The following FHIT variants were observed in gnomAD, a reference collection of about 807,000 sequenced individuals.
FHIT encodes the protein fragile histidine triad diadenosine triphosphatase.
Under a neutral mutation model 17.9 loss-of-function variants are expected in FHIT, and 19 were observed. The ratio of observed to expected loss-of-function variants is 1.06; its 90% confidence interval spans 0.74 to 1.56. The LOEUF (loss-of-function observed/expected upper bound fraction) is 1.56, where lower values mean the gene tolerates loss of function less well. FHIT is among the 40% of genes most tolerant of loss of function. The pLI is 0.00. For synonymous variants in FHIT, 81 were observed against 69.7 expected, an observed-to-expected ratio of 1.16 and a Z score of -0.81; for missense variants, 248 against 189.2, an observed-to-expected ratio of 1.31 and a Z score of -1.82.
At chr3:60,204,917 C>T (rs1481365112) in intron 5 of FHIT, among the ~76,000 whole-genome samples, 1 of 151,756 alleles carries the variant, frequency 6.6e-6, no homozygotes, top group African/African-American at 2.4e-5. Flanking sequence ...ATTAGTGAGA[C>T]CCCATTTCTA....
At chr3:60,366,267 C>T (rs1173032005) in intron 5 of FHIT, among the ~76,000 whole-genome samples, 1 of 152,132 alleles carries the variant, frequency 6.6e-6, no homozygotes, top group Non-Finnish European at 1.5e-5. Context: ...CCTCTGCCTC[C>T]TGGGTTCAAG....
In FHIT at chr3:60,652,310, C is replaced by T. The variant is rs184513006; in HGVS notation, c.-17-115331G>A. Among the ~76,000 whole-genome samples the T allele has an allele frequency of 6.2e-4, 94 of 152,256 alleles. 1 individual carries two copies. The highest frequency in any genetic ancestry group is 2.0e-3 in the African/African-American group (84 of 41,534). ...TCACAGTTATCATTAGTGTTAAAAC[C>T]TCACTCTAGGCCAGGCGTGGTAGTT... On this transcript the variant is annotated intron_variant, in intron 4 of 9. Transcript: ENST00000492590.
chr3:61,156,941 C>G (rs949574348), intron 2 of FHIT, among the ~76,000 whole-genome samples: 15 of 152,098 alleles, frequency 9.9e-5, no homozygotes, highest in African/African-American at 3.4e-4. Context: ...TTCTTACATG[C>G]CTACTAAAGT....
chr3:60,391,881 G>A (rs1354657788), intron 5 of FHIT, among the ~76,000 whole-genome samples: 5 of 151,884 alleles, frequency 3.3e-5, no homozygotes, highest in African/African-American at 1.2e-4. Flanking sequence ...TGTGTCTTGA[G>A]CCAAATGCTA....
At chr3:60,022,914 T>C (rs932890448) in intron 5 of FHIT, among the ~76,000 whole-genome samples, 7 of 152,220 alleles carry the variant, frequency 4.6e-5, no homozygotes, top group African/African-American at 1.4e-4. Context: ...TGAAAATCTA[T>C]TATTATTGTT....
intron 5 of FHIT, among the ~76,000 whole-genome samples, chr3:60,528,724 T>C (rs368554679): frequency 3.2e-4 from 49 of 152,326 alleles, no homozygotes; most frequent in African/African-American, 1.1e-3. Flanking sequence ...ACCATGTGCA[T>C]TGGCATGTCT....
chr3:59,750,406 T>C (rs1349211932), intron 9 of FHIT: 1 of 224,322 alleles, frequency 4.5e-6, no homozygotes, highest in East Asian at 6.5e-5. Flanking sequence ...CAGGGCACTC[T>C]AAAATGACAT....
At position 60,291,322 on chromosome 3, in the gene FHIT, G is replaced by A. The variant is rs1245004114; in HGVS notation, c.103+245538C>T. On this transcript the variant is annotated intron_variant, in intron 5 of 9. Coordinates refer to ENST00000492590, the MANE Select transcript of FHIT (RefSeq NM_002012.4). The stretch of plus-strand genomic sequence containing the variant: ...CCATTTGTATAGGGCATGAAAAACC[G>A]GTTAGGACTAGGTTTGCCATTTGCA... 2.0e-5 allele frequency among the ~76,000 whole-genome samples: 3 copies of A among 152,184 alleles called. No individual in the cohort carries two copies. The South Asian group carries it at 6.2e-4, about 32-fold the overall frequency.
intron 7 of FHIT, among the ~76,000 whole-genome samples, chr3:59,995,309 A>G (rs1699460762): frequency 6.6e-6 from 1 of 152,078 alleles, no homozygotes; most frequent in Non-Finnish European, 1.5e-5. Context: ...TGAAGATTCA[A>G]CTTTCTTAAC....
In FHIT at chr3:60,148,213, T is replaced by G. The variant is rs1170984004; in HGVS notation, c.104-134061A>C. 2.0e-5 allele frequency among the ~76,000 whole-genome samples: 3 copies of G among 152,300 alleles called. No individual in the cohort carries two copies. In the South Asian group the frequency reaches 6.2e-4, roughly 32 times the overall value. On this transcript the variant is annotated intron_variant, in intron 5 of 9. Coordinates refer to ENST00000492590, the MANE Select transcript of FHIT (RefSeq NM_002012.4). Reference sequence around the variant, plus strand: ...TGCTAAATGGCAGTTATTTCCTCAGTGTTATACATTACACATATCAATAAA... The same window carrying G: ...TGCTAAATGGCAGTTATTTCCTCAGGGTTATACATTACACATATCAATAAA...
intron 8 of FHIT, among the ~76,000 whole-genome samples, chr3:59,801,338 C>G (rs1460891002): frequency 6.7e-6 from 1 of 149,182 alleles, no homozygotes; most frequent in Non-Finnish European, 1.5e-5. Flanking sequence ...TGTGTTTTAA[C>G]AAGTTTTTGT....
chr3:61,225,058 T>A (rs570827219), intron 1 of FHIT, among the ~76,000 whole-genome samples: 19 of 152,318 alleles, frequency 1.2e-4, no homozygotes, highest in African/African-American at 4.6e-4. Flanking sequence ...CGGCAGAGTT[T>A]AAGTGCAAAT....
chr3:59,966,283 C>T (rs1707923287), intron 7 of FHIT, among the ~76,000 whole-genome samples: 1 of 152,112 alleles, frequency 6.6e-6, no homozygotes, highest in African/African-American at 2.4e-5. Context: ...TGGATTTTAC[C>T]CCAAGTCCCA....
At chr3:61,246,075 C>T (rs140370023) in intron 1 of FHIT, among the ~76,000 whole-genome samples, 1 of 152,224 alleles carries the variant, frequency 6.6e-6, no homozygotes, top group African/African-American at 2.4e-5. Flanking sequence ...CACTGCTATA[C>T]TCCCTCCAGC....
chr3:59,974,408 C>T (rs909085998), intron 7 of FHIT, among the ~76,000 whole-genome samples: 4 of 152,176 alleles, frequency 2.6e-5, no homozygotes, highest in Admixed American at 1.3e-4. Context: ...CAATTAAACA[C>T]CTACCTACTG....
intron 5 of FHIT, among the ~76,000 whole-genome samples, chr3:60,127,748 G>A (rs573763698): frequency 6.6e-6 from 1 of 152,136 alleles, no homozygotes; most frequent in African/African-American, 2.4e-5. Context: ...CTATTGGCGT[G>A]CTCCTCCATG....
chr3:60,243,946 G>T (rs1705261203), intron 5 of FHIT, among the ~76,000 whole-genome samples: 1 of 152,056 alleles, frequency 6.6e-6, no homozygotes, highest in African/African-American at 2.4e-5. Context: ...CAGGAATCCT[G>T]ACGTTACCAT....
chr3:60,707,199 A>G (rs2041395393), intron 4 of FHIT, among the ~76,000 whole-genome samples: 1 of 152,228 alleles, frequency 6.6e-6, no homozygotes, highest in Non-Finnish European at 1.5e-5. Flanking sequence ...GGCACTCTGC[A>G]AACCTTTTGC....
At chr3:60,077,739 G>GAC (rs56848166) in intron 5 of FHIT, among the ~76,000 whole-genome samples, 2,906 of 68,344 alleles carry the variant, frequency 0.043, 57 homozygotes, top group Middle Eastern at 0.068. Context: ...CATATATAGA[G>GAC]GGGGGGGGGA....
Sources: allele counts gnomAD v4.1 joint callset (sites outside exome capture counted in the v4.1 genomes callset), GRCh38; gene constraint gnomAD v4.1.1; transcripts MANE v1.5; gene names NCBI Gene and HGNC (gene_info 2026-07-23, HGNC 2026-07-21).